Variants in PTHLH observed in about 807,000 individuals in gnomAD.
PTHLH encodes the protein parathyroid hormone like hormone, also known as parathyroid hormone-related protein.
A neutral mutation model predicts 18.6 loss-of-function variants in PTHLH; 5 were observed. The observed-to-expected ratio is 0.27, with a 90% CI of 0.14 to 0.56. PTHLH has a LOEUF of 0.56. Among genes scored for constraint, PTHLH ranks in the 20% least tolerant of loss-of-function variants. The pLI, the probability that PTHLH is intolerant of heterozygous loss-of-function variation, is 0.92. For synonymous variants in PTHLH, 90 were observed against 94.0 expected (o/e 0.96, Z 0.25); for missense variants, 207 against 223.9 (o/e 0.92, Z 0.48).
chr12:27,964,278 TCTCA>T (rs2062791831), intron 4 of PTHLH, among the ~76,000 whole-genome samples: 13 of 141,288 alleles, frequency 9.2e-5, no homozygotes, highest in East Asian at 1.9e-4. Context: ...CCTCTCTCTC[TCTCA>T]CACACACACA....
chr12:27,959,981 T>A (rs1565519351), intron 5 of PTHLH, among the ~76,000 whole-genome samples: 1 of 152,232 alleles, frequency 6.6e-6, no homozygotes, highest in Non-Finnish European at 1.5e-5. Flanking sequence ...AGAGGATTTT[T>A]AACAATTATT....
chr12:27,965,300 C>G (rs1261222054), intron 4 of PTHLH, among the ~76,000 whole-genome samples: 2 of 152,356 alleles, frequency 1.3e-5, no homozygotes, highest in East Asian at 3.9e-4. Context: ...GAAGTCCCAG[C>G]CTGTTCCTGT....
intron 4 of PTHLH, among the ~76,000 whole-genome samples, chr12:27,967,673 TCTATTA>T (rs541822008): frequency 3.9e-4 from 59 of 152,366 alleles, no homozygotes; most frequent in African/African-American, 1.3e-3. Context: ...AATGTGATGA[TCTATTA>T]CCCATTAACT....
At chr12:27,961,014 C>T (rs927493495) in intron 5 of PTHLH, among the ~76,000 whole-genome samples, 1 of 151,714 alleles carries the variant, frequency 6.6e-6, no homozygotes, top group African/African-American at 2.4e-5. Flanking sequence ...CATTTGGCTG[C>T]CAAACAGTTC....
At chr12:27,960,953 C>A (rs1236042831) in intron 5 of PTHLH, among the ~76,000 whole-genome samples, 2 of 152,064 alleles carry the variant, frequency 1.3e-5, no homozygotes, top group Non-Finnish European at 2.9e-5. Context: ...CACTCCTAAG[C>A]TTCCTCACTC....
intron 2 of PTHLH, among the ~76,000 whole-genome samples, chr12:27,971,405 G>A (rs1431526570): frequency 6.6e-6 from 1 of 152,084 alleles, no homozygotes; most frequent in Non-Finnish European, 1.5e-5. Flanking sequence ...TGAAAAGAGC[G>A]CGAGTGGACT....
rs752362312 is a variant in PTHLH at position 27,963,572 on chromosome 12, C to G, written c.300G>C (p.Glu100Asp). ...NHPVRFGSDD[E>D]GRYLTQETNK... Reference sequence around the variant, plus strand: ...TAGTTTCCTGAGTTAGGTATCTGCCCTCATCATCAGACCCAAATCGGACGG... The same window carrying G: ...TAGTTTCCTGAGTTAGGTATCTGCCGTCATCATCAGACCCAAATCGGACGG... Residue 100 changes from glutamate to aspartate, a missense_variant, in exon 5 of 6, where the codon GAG (glutamate) becomes GAC (aspartate). By Grantham distance (45) the Glu-to-Asp change is conservative. Coordinates refer to ENST00000545234, the MANE Select transcript of PTHLH (RefSeq NM_198965.2). 6.2e-7 allele frequency: 1 copy of G among 1,614,082 alleles called. No individual in the cohort carries two copies. The highest frequency in any genetic ancestry group is 8.5e-7 in the Non-Finnish European group (1 of 1,180,046).
intron 4 of PTHLH, among the ~76,000 whole-genome samples, chr12:27,964,751 A>T (rs1402417224): frequency 6.6e-6 from 1 of 152,232 alleles, no homozygotes; most frequent in African/African-American, 2.4e-5. Flanking sequence ...TAATGAAAAT[A>T]TCGTGAGAAA....
intron 5 of PTHLH, chr12:27,962,862 G>C (rs2062773634): frequency 1.0e-6 from 1 of 986,842 alleles, no homozygotes; most frequent in African/African-American, 1.7e-5. Context: ...AGTGTGAATG[G>C]CTCAGAATCG....
intron 4 of PTHLH, among the ~76,000 whole-genome samples, chr12:27,965,192 G>C (rs972823117): frequency 6.6e-6 from 1 of 152,252 alleles, no homozygotes; most frequent in Non-Finnish European, 1.5e-5. Flanking sequence ...AGAACTGGCA[G>C]AGCCAGGGCT....
intron 4 of PTHLH, among the ~76,000 whole-genome samples, chr12:27,966,498 G>A (rs1474156662): frequency 6.6e-6 from 1 of 152,152 alleles, no homozygotes; most frequent in Non-Finnish European, 1.5e-5. Context: ...TATAAACTAG[G>A]TATACAGAGG....
At chr12:27,969,168 A>C (rs2062843887) in intron 4 of PTHLH, 1 of 573,428 alleles carries the variant, frequency 1.7e-6, no homozygotes, top group Non-Finnish European at 3.1e-6. Flanking sequence ...TTATGGAAAC[A>C]CACATAAAGT....
chr12:27,970,545 C>G (rs570083576), intron 2 of PTHLH, among the ~76,000 whole-genome samples: 2 of 151,836 alleles, frequency 1.3e-5, no homozygotes, highest in Non-Finnish European at 2.9e-5. Flanking sequence ...GCGCCATCCC[C>G]GTGCCGGGGG....
chr12:27,958,411 A>C lies in PTHLH; in HGVS notation c.*148T>G, dbSNP rs1310153520. On this transcript the variant is annotated 3_prime_UTR_variant, in exon 6 of 6. Transcript: ENST00000545234. ...CAAAAAAAAAATATTCACAATGACC[A>C]ATGTGCAGTTTCATAGAGCAATGGG... 2 of 602,808 alleles carry C rather than the reference A, an allele frequency of 3.3e-6. No homozygotes were observed. The highest frequency in any genetic ancestry group is 3.4e-5 in the East Asian group (1 of 29,392). The allele number at this position is 602,808 out of a possible 1,614,324, so 37.3% of individuals were successfully genotyped here.
chr12:27,967,709 G>T (rs992998841), intron 4 of PTHLH, among the ~76,000 whole-genome samples: 5 of 152,192 alleles, frequency 3.3e-5, no homozygotes, highest in African/African-American at 1.2e-4. Context: ...TTTTGTGGTA[G>T]TTTTATAACC....
chr12:27,962,741 C>T lies in PTHLH; in HGVS notation c.524+607G>A, dbSNP rs867315488. ...TTTATTTTGTATGAGCTGGTAGAAA[C>T]CAGAGTTAAATTTAATTAAACAAAT... On this transcript the variant is annotated intron_variant, in intron 5 of 5. Coordinates refer to ENST00000545234, the MANE Select transcript of PTHLH (RefSeq NM_198965.2). The T allele has an allele frequency of 2.7e-5, 26 of 980,664 alleles. No homozygotes were observed. The African/African-American group carries it at 4.4e-4, about 16-fold the overall frequency. 60.7% of individuals were successfully genotyped at this position (980,664 alleles called of 1,614,324 possible).
intron 5 of PTHLH, chr12:27,962,197 T>A: frequency 2.3e-6 from 1 of 433,432 alleles, no homozygotes; most frequent in South Asian, 4.6e-5. Flanking sequence ...GGATTAATAT[T>A]TGCCCCACTT....
At chr12:27,969,723 A>G in intron 3 of PTHLH, 1 of 742,564 alleles carries the variant, frequency 1.3e-6, no homozygotes, top group Non-Finnish European at 2.5e-6. Context: ...TCTCCAAACC[A>G]CACAGCCAGA....
chr12:27,967,547 C>CT (rs1490935223), intron 4 of PTHLH, among the ~76,000 whole-genome samples: 2 of 152,186 alleles, frequency 1.3e-5, no homozygotes, highest in African/African-American at 4.8e-5. Context: ...TTTACTGTTA[C>CT]TTGGCAGCAA....
Sources: gnomAD v4.1 joint callset for allele counts (sites outside exome capture counted in the v4.1 genomes callset) on GRCh38, gnomAD v4.1.1 for gene constraint, MANE v1.5 for transcripts, NCBI Gene and HGNC (gene_info 2026-07-23, HGNC 2026-07-21) for gene names.